Variants in EFR3B observed in about 807,000 individuals in gnomAD.
EFR3B encodes the protein EFR3 homolog B.
EFR3B carries 64 observed loss-of-function variants against 104.7 expected under a neutral mutation model. The ratio of observed to expected loss-of-function variants is 0.61; its 90% CI spans 0.50 to 0.75. EFR3B has a LOEUF of 0.75. EFR3B is among the 30% of genes least tolerant of loss of function. The pLI, the probability that EFR3B is intolerant of heterozygous loss-of-function variation, is 0.00. For missense variants in EFR3B, 750 were observed against 1,078.5 expected, an observed-to-expected ratio of 0.70 and a Z score of 4.27; for synonymous variants, 385 against 417.9, an observed-to-expected ratio of 0.92 and a Z score of 0.96.
In EFR3B at chr2:25,059,583, G is replaced by C. The variant is rs904690816; in HGVS notation, c.7+17264G>C. Reference sequence around the variant, plus strand: ...GTTACCAGGGACTGCGGGGGGGGGGGGGGTGGAGATTGGGGAATTGTTGTT... The same window carrying C: ...GTTACCAGGGACTGCGGGGGGGGGGCGGGTGGAGATTGGGGAATTGTTGTT... On this transcript the variant is annotated intron_variant, in intron 1 of 22. Coordinates refer to ENST00000403714, the MANE Select transcript of EFR3B (RefSeq NM_014971.2). Among the ~76,000 whole-genome samples, 122 of 137,758 alleles carry C rather than the reference G, an allele frequency of 8.9e-4. 5 individuals carry two copies. The highest frequency in any genetic ancestry group is 3.0e-3 in the African/African-American group (115 of 38,730). 90.4% of individuals were successfully genotyped at this position (137,758 alleles called of 152,430 possible).
chr2:25,146,396 AACCTTCCC>A (rs1237410230), intron 19 of EFR3B: 1 of 152,158 alleles, frequency 6.6e-6, no homozygotes, highest in Non-Finnish European at 1.5e-5. Context: ...GCTTATCCAG[AACCTTCCC>A]ACGGAAGGAA....
chr2:25,120,933 G>A (rs1021246904), intron 4 of EFR3B, among the ~76,000 whole-genome samples: 5 of 151,988 alleles, frequency 3.3e-5, no homozygotes, highest in Admixed American at 6.6e-5. Context: ...ATGGAGTCTC[G>A]CTCTATCGCC....
In EFR3B at chr2:25,130,875, C is replaced by A. The variant is rs748996578; in HGVS notation, c.849+245C>A. 1.3e-5 allele frequency among the ~76,000 whole-genome samples: 2 copies of A among 152,184 alleles called. No homozygotes were observed. The highest frequency in any genetic ancestry group is 2.9e-5 in the Non-Finnish European group (2 of 68,036). ...ATTTCTAGAAAAATTAAATAAAAAA[C>A]TCATGCAAAATGCAAGCCTACAGAT... On this transcript the variant is annotated intron_variant, in intron 8 of 22. Transcript: ENST00000403714. This position sits in a 1 kb window ranked among gnomAD's most constrained non-coding sequence, Gnocchi z 4.6.
chr2:25,044,335 A>G (rs2149160823), intron 1 of EFR3B, among the ~76,000 whole-genome samples: 1 of 152,114 alleles, frequency 6.6e-6, no homozygotes, highest in African/African-American at 2.4e-5. Context: ...AACTGCTTGG[A>G]TTTTCGTATA....
At chr2:25,143,028 A>T (rs1670716328) in intron 17 of EFR3B, among the ~76,000 whole-genome samples, 2 of 150,620 alleles carry the variant, frequency 1.3e-5, no homozygotes, top group African/African-American at 4.9e-5. Flanking sequence ...CGGGCGGGTC[A>T]CGAGGTCAGA....
chr2:25,153,009 G>C (rs1671057368), intron 21 of EFR3B, among the ~76,000 whole-genome samples: 5 of 152,132 alleles, frequency 3.3e-5, no homozygotes, highest in Admixed American at 3.3e-4. Context: ...AGTAATCAGA[G>C]ATCATCTCTA....
chr2:25,133,511 C>T, intron 12 of EFR3B, 77 bp downstream of exon 12: 2 of 1,424,120 alleles, frequency 1.4e-6, no homozygotes, highest in South Asian at 1.2e-5. Flanking sequence ...TGAAGGCCTC[C>T]ACATACAGTC....
Position 25,135,610 on chromosome 2 carries a change from T to C in EFR3B, c.1455T>C (p.His485=), listed in dbSNP as rs1448841448. The change falls in exon 13 of 23, where the codon CAT becomes CAC. Residue 485 remains histidine (H), a synonymous_variant. Transcript: ENST00000403714. Reference sequence around the variant, plus strand: ...TTCTCATCAGTTTCATTGATCGTCATGGCAACCGCCACAAGTTCTCTACCA... The same window carrying C: ...TTCTCATCAGTTTCATTGATCGTCACGGCAACCGCCACAAGTTCTCTACCA... The part of the protein sequence containing the change: ...LEILISFIDR[H]GNRHKFSTIS... 3 of 1,550,548 alleles carry C rather than the reference T, an allele frequency of 1.9e-6. No individual in the cohort carries two copies. The highest frequency in any genetic ancestry group is 2.7e-5 in the African/African-American group (2 of 73,060).
At chr2:25,080,960 C>CAA in intron 1 of EFR3B, 1 of 758,386 alleles carries the variant, frequency 1.3e-6, no homozygotes, top group Non-Finnish European at 2.5e-6. Context: ...GAGCTTGTTC[C>CAA]TTTTTGATGC....
intron 4 of EFR3B, among the ~76,000 whole-genome samples, chr2:25,108,645 T>C (rs376185089): frequency 6.6e-6 from 1 of 152,340 alleles, no homozygotes; most frequent in African/African-American, 2.4e-5. Context: ...GATTCTTAGA[T>C]ATGATATCAA....
In EFR3B at chr2:25,114,726, G is replaced by A. The variant is rs1404908671; in HGVS notation, c.364-6947G>A. Among the ~76,000 whole-genome samples, 1 of 152,220 alleles carries A rather than the reference G, an allele frequency of 6.6e-6. No individual in the cohort carries two copies. Among genetic ancestry groups the A allele is most frequent in the African/African-American group, 2.4e-5 (1 of 41,458 alleles). On this transcript the variant is annotated intron_variant, in intron 4 of 22. Coordinates refer to ENST00000403714, the MANE Select transcript of EFR3B (RefSeq NM_014971.2). The surrounding 1 kb of genome is among the most constrained non-coding windows in gnomAD (Gnocchi z 4.0). Reference sequence around the variant, plus strand: ...CCATCCAGCCTTGACGGACCTCCCTGACCAAGAACATGCTTCCCTAGCTTT... The same window carrying A: ...CCATCCAGCCTTGACGGACCTCCCTAACCAAGAACATGCTTCCCTAGCTTT...
At chr2:25,065,346 A>ATTT (rs749717958) in intron 1 of EFR3B, among the ~76,000 whole-genome samples, 7 of 93,358 alleles carry the variant, frequency 7.5e-5, no homozygotes, top group South Asian at 3.8e-4. Context: ...ACACCCAGCT[A>ATTT]TTTTTTTTTT....
intron 11 of EFR3B, 58 bp from the exon 12 acceptor site, chr2:25,133,325 A>G (rs965073210): frequency 2.7e-6 from 4 of 1,505,614 alleles, no homozygotes; most frequent in Non-Finnish European, 3.6e-6. Context: ...TAAGCTGGCA[A>G]GTGTGTGACC....
intron 1 of EFR3B, among the ~76,000 whole-genome samples, chr2:25,070,928 C>T (rs1309192040): frequency 5.9e-5 from 9 of 152,222 alleles, no homozygotes; most frequent in Non-Finnish European, 1.5e-5. Flanking sequence ...TTCATTGTTG[C>T]TTAATACACC....
At chr2:25,059,832 G>A (rs568390519) in intron 1 of EFR3B, among the ~76,000 whole-genome samples, 3 of 134,016 alleles carry the variant, frequency 2.2e-5, no homozygotes, top group Admixed American at 1.8e-4. Context: ...CCAAGATCGC[G>A]CCATTGCACT....
chr2:25,103,694 G>A lies in EFR3B; in HGVS notation c.270G>A (p.Gln90=), dbSNP rs1304856598. ...LDQLLMACHC[Q]SINLFVESFL... ...AGCTGCTCATGGCCTGCCACTGCCA[G>A]AGCATCAACCTCTTCGTGGAGAGCT... Residue 90 remains glutamine, a synonymous_variant, in exon 4 of 23, where the codon CAG becomes CAA. Transcript: ENST00000403714. 4 of 1,551,594 alleles carry A rather than the reference G, an allele frequency of 2.6e-6. No homozygotes were observed. The highest frequency in any genetic ancestry group is 3.5e-6 in the Non-Finnish European group (4 of 1,146,990).
At chr2:25,149,805 C>A in intron 20 of EFR3B, 63 bp downstream of exon 20, 2 of 1,426,364 alleles carry the variant, frequency 1.4e-6, no homozygotes, top group South Asian at 2.5e-5. Context: ...TGGGCCTGTT[C>A]CTGCAGATGC....
At chr2:25,075,544 C>T (rs923961006) in intron 1 of EFR3B, among the ~76,000 whole-genome samples, 2 of 152,186 alleles carry the variant, frequency 1.3e-5, no homozygotes, top group Non-Finnish European at 2.9e-5. Flanking sequence ...TCTCTAGTTT[C>T]CTCAGCAACC....
At chr2:25,072,336 A>G (rs570442276) in intron 1 of EFR3B, among the ~76,000 whole-genome samples, 2 of 152,292 alleles carry the variant, frequency 1.3e-5, no homozygotes, top group South Asian at 4.1e-4. Context: ...GCTGGAGTGC[A>G]GTGGTGTGAT....
Sources: allele counts gnomAD v4.1 joint callset (sites outside exome capture counted in the v4.1 genomes callset), GRCh38; gene constraint gnomAD v4.1.1; non-coding constraint Gnocchi (gnomAD v3.1); transcripts MANE v1.5; gene names NCBI Gene and HGNC (gene_info 2026-07-23, HGNC 2026-07-21).